GLYAT: variants seen among roughly 807,000 people sequenced by gnomAD.
GLYAT encodes the protein glycine-N-acyltransferase.
In GLYAT, 25 loss-of-function variants were observed where a neutral mutation model predicts 22.8. The observed-to-expected ratio is 1.09, with a 90% CI of 0.80 to 1.53. The LOEUF is 1.53. Among genes scored for constraint, GLYAT ranks in the 40% most tolerant of loss-of-function variants. GLYAT has a pLI of 0.00. For missense variants in GLYAT, 411 were observed against 353.9 expected, an observed-to-expected ratio of 1.16 and a Z score of -1.29; for synonymous variants, 140 against 122.7, an observed-to-expected ratio of 1.14 and a Z score of -0.93.
At chr11:58,724,323 T>C (rs1289954758) in intron 2 of GLYAT, 93 bp downstream of exon 2, 26 of 619,008 alleles carry the variant, frequency 4.2e-5, no homozygotes, top group South Asian at 1.7e-4. Context: ...AGTGCCTGGC[T>C]CAAAATAGGT....
At chr11:58,711,395 C>A (rs1383274281) in intron 4 of GLYAT, among the ~76,000 whole-genome samples, 1 of 152,114 alleles carries the variant, frequency 6.6e-6, no homozygotes, top group Non-Finnish European at 1.5e-5. Context: ...GGTGAGTGTA[C>A]CCTTTCTGCA....
intron 1 of GLYAT, among the ~76,000 whole-genome samples, chr11:58,729,167 G>A (rs1043289555): frequency 2.0e-5 from 3 of 152,126 alleles, no homozygotes; most frequent in Admixed American, 1.3e-4. Flanking sequence ...CACAGTGTCT[G>A]CTTAGCACCT....
At chr11:58,717,688 G>T (rs1347718435) in intron 2 of GLYAT, among the ~76,000 whole-genome samples, 1 of 151,974 alleles carries the variant, frequency 6.6e-6, no homozygotes, top group Non-Finnish European at 1.5e-5. Flanking sequence ...TCTAACAACA[G>T]GTGTACTATA....
chr11:58,712,503 C>T (rs1271136886), intron 4 of GLYAT, among the ~76,000 whole-genome samples: 2 of 152,076 alleles, frequency 1.3e-5, no homozygotes. Context: ...CCTAAAAGGT[C>T]TGGATACAGC....
intron 1 of GLYAT, among the ~76,000 whole-genome samples, chr11:58,726,732 T>G (rs1326103270): frequency 6.6e-6 from 1 of 152,142 alleles, no homozygotes; most frequent in Admixed American, 6.6e-5. Context: ...CCTTTAAATA[T>G]GACCTTGAAG....
At chr11:58,721,312 GTGA>G (rs2134490478) in intron 2 of GLYAT, among the ~76,000 whole-genome samples, 1 of 151,908 alleles carries the variant, frequency 6.6e-6, no homozygotes, top group South Asian at 2.1e-4. Context: ...AAAAAGTCTG[GTGA>G]TGATAGAAGG....
chr11:58,715,432 TC>T lies in GLYAT; in HGVS notation c.82-10del, dbSNP rs1856668547. 7.8e-7 allele frequency: 1 copy of T among 1,276,888 alleles called. No individual in the cohort carries two copies. The highest frequency in any genetic ancestry group is 1.7e-5 in the Admixed American group (1 of 57,298). The allele number at this position is 1,276,888 out of a possible 1,614,324, so 79.1% of individuals were successfully genotyped here. A position where few individuals can be genotyped will look rare whatever the true frequency, so the allele number is the denominator to read the frequency against. On this transcript the variant is annotated splice_polypyrimidine_tract_variant and intron_variant, in intron 2 of 5. Transcript: ENST00000344743. ...AAGACAGTTCCATAAACCTGCAGGA[TC>T]CCAAGAAATTGACAGGGTTGGTTTA...
intron 1 of GLYAT, among the ~76,000 whole-genome samples, chr11:58,727,197 G>A (rs1434603309): frequency 6.6e-6 from 1 of 152,108 alleles, no homozygotes; most frequent in African/African-American, 2.4e-5. Flanking sequence ...GATAGGGACA[G>A]GATTGGAGGT....
chr11:58,728,856 AAG>A (rs1856837599), intron 1 of GLYAT: 1 of 83,060 alleles, frequency 1.2e-5, no homozygotes, highest in African/African-American at 5.4e-5. Flanking sequence ...AGAAAGAAGA[AAG>A]AAAGAAAGAA....
At chr11:58,714,825 T>C (rs1299755676) in intron 3 of GLYAT, among the ~76,000 whole-genome samples, 1 of 152,186 alleles carries the variant, frequency 6.6e-6, no homozygotes, top group Non-Finnish European at 1.5e-5. Context: ...ACGTCTTTCC[T>C]TGATAAATTA....
chr11:58,714,282 A>G (rs902540893), intron 3 of GLYAT, among the ~76,000 whole-genome samples: 5 of 152,180 alleles, frequency 3.3e-5, no homozygotes, highest in African/African-American at 1.2e-4. Flanking sequence ...AGTTAATAAC[A>G]ATGTATTGTA....
intron 2 of GLYAT, among the ~76,000 whole-genome samples, chr11:58,721,585 A>G (rs1856750766): frequency 2.0e-5 from 3 of 152,074 alleles, no homozygotes; most frequent in Admixed American, 1.3e-4. Flanking sequence ...ACATGAACAC[A>G]TACACACATA....
At chr11:58,712,251 G>T (rs1173451244) in intron 4 of GLYAT, among the ~76,000 whole-genome samples, 1 of 152,116 alleles carries the variant, frequency 6.6e-6, no homozygotes, top group South Asian at 2.1e-4. Context: ...TGTGTTTTAG[G>T]TAACATTATT....
At chr11:58,713,758 C>CA (rs1856645164) in intron 3 of GLYAT, among the ~76,000 whole-genome samples, 1 of 151,958 alleles carries the variant, frequency 6.6e-6, no homozygotes, top group Non-Finnish European at 1.5e-5. Context: ...AAATGTTGCA[C>CA]AAAAAACCCA....
chr11:58,729,131 T>G (rs770030148), intron 1 of GLYAT, among the ~76,000 whole-genome samples: 1 of 152,182 alleles, frequency 6.6e-6, no homozygotes, highest in Non-Finnish European at 1.5e-5. Flanking sequence ...CCATCCACCA[T>G]GTAAGACCAC....
Position 58,709,945 on chromosome 11 carries a change from G to T in GLYAT, c.712C>A (p.Arg238=). The change falls in exon 6 of 6, where the codon CGG becomes AGG. Residue 238 remains arginine, a synonymous_variant. Coordinates refer to ENST00000344743, the MANE Select transcript of GLYAT (RefSeq NM_201648.3). ...ACATACGTCACAAGGCCATGGAGCC[G>T]GTATTCCGGCAAGGTGCCTGCCATT... The part of the protein sequence containing the change: ...MRMAGTLPEY[R]LHGLVTYVIY... The T allele has an allele frequency of 1.2e-6, 2 of 1,614,018 alleles. No individual in the cohort carries two copies. Among genetic ancestry groups the T allele is most frequent in the Non-Finnish European group, 8.5e-7 (1 of 1,179,950 alleles).
rs199522129 is a variant in GLYAT, at chr11:58,710,768, G to T, written c.317-7C>A. On this transcript the variant is annotated splice_polypyrimidine_tract_variant and splice_region_variant and intron_variant, in intron 4 of 5. Coordinates refer to ENST00000344743, the MANE Select transcript of GLYAT (RefSeq NM_201648.3). ...TTCAGGCTAGGCTGTGAACCTAGAC[G>T]GTATAATAAACAGAGATGAAATGGT... 1 of 1,513,722 alleles carries T rather than the reference G, an allele frequency of 6.6e-7. No homozygotes were observed. Among genetic ancestry groups the T allele is most frequent in the Non-Finnish European group, 9.2e-7 (1 of 1,088,930 alleles). 93.8% of individuals were successfully genotyped at this position (1,513,722 alleles called of 1,614,324 possible).
chr11:58,725,107 T>G (rs778440726), intron 1 of GLYAT, among the ~76,000 whole-genome samples: 3 of 152,140 alleles, frequency 2.0e-5, no homozygotes, highest in Non-Finnish European at 4.4e-5. Context: ...ATATAGGCAT[T>G]TTAATAAAGG....
chr11:58,729,624 TG>T (rs1321811037), intron 1 of GLYAT, among the ~76,000 whole-genome samples: 3 of 152,206 alleles, frequency 2.0e-5, no homozygotes, highest in Non-Finnish European at 2.9e-5. Context: ...ATTAATTGTC[TG>T]TCTAATCACT....
Sources: allele counts gnomAD v4.1 joint callset (sites outside exome capture counted in the v4.1 genomes callset), GRCh38; gene constraint gnomAD v4.1.1; transcripts MANE v1.5; gene names NCBI Gene and HGNC (gene_info 2026-07-23, HGNC 2026-07-21).